LRRC74A: variants seen among roughly 807,000 people sequenced by gnomAD.
LRRC74A encodes the protein leucine-rich repeat-containing protein 74A.
Under a neutral mutation model 57.9 loss-of-function variants are expected in LRRC74A, and 44 were observed. That is an observed-to-expected ratio of 0.76 (90% CI 0.60 to 0.98). LRRC74A has a LOEUF of 0.98. Ranked by LOEUF, LRRC74A falls within the 50% of genes least tolerant of loss-of-function variation. The pLI is 0.00. For missense variants in LRRC74A, 572 were observed against 574.0 expected (o/e 1.00, Z 0.04); for synonymous variants, 211 against 219.4 (o/e 0.96, Z 0.34).
intron 7 of LRRC74A, among the ~76,000 whole-genome samples, chr14:76,845,318 TG>T: frequency 7.0e-6 from 1 of 143,090 alleles, no homozygotes; most frequent in East Asian, 2.1e-4. Context: ...AGAGAGGCCC[TG>T]TCTCAAAAGA....
intron 7 of LRRC74A, among the ~76,000 whole-genome samples, chr14:76,847,340 C>T (rs569265819): frequency 2.6e-5 from 4 of 152,228 alleles, no homozygotes; most frequent in African/African-American, 9.6e-5. Flanking sequence ...TGCATATACA[C>T]CACGGAATAC....
At chr14:76,863,236 T>C (rs562324210) in intron 11 of LRRC74A, among the ~76,000 whole-genome samples, 64 of 142,478 alleles carry the variant, frequency 4.5e-4, no homozygotes, top group Non-Finnish European at 1.4e-4. Flanking sequence ...AGGCCTGTGA[T>C]GATAAAAGAA....
chr14:76,850,308 T>C (rs1025398404), intron 7 of LRRC74A, among the ~76,000 whole-genome samples: 2 of 152,108 alleles, frequency 1.3e-5, no homozygotes, highest in Admixed American at 6.6e-5. Flanking sequence ...TGGGATCACA[T>C]GGGTAGTAAG....
At chr14:76,841,775 T>A (rs1896793927) in intron 5 of LRRC74A, among the ~76,000 whole-genome samples, 1 of 151,412 alleles carries the variant, frequency 6.6e-6, no homozygotes, top group Non-Finnish European at 1.5e-5. Flanking sequence ...TGCAATGGCA[T>A]GATCTTGGCT....
At chr14:76,844,236 C>A (rs911194905) in intron 5 of LRRC74A, among the ~76,000 whole-genome samples, 187 bp from the exon 6 acceptor site, 2 of 152,220 alleles carry the variant, frequency 1.3e-5, no homozygotes, top group African/African-American at 4.8e-5. Flanking sequence ...CTCCTGGGCT[C>A]AAGTCATCCT....
At position 76,828,123 on chromosome 14, in the gene LRRC74A, T is replaced by C. The variant is rs545013588; in HGVS notation, c.38-168T>C. 1.4e-4 allele frequency among the ~76,000 whole-genome samples: 22 copies of C among 152,202 alleles called. 1 individual carries two copies. Among genetic ancestry groups the C allele is most frequent in the Middle Eastern group, 6.8e-3 (2 of 294 alleles). ...GACCCTGCAGCCGGAGGCAGCGCTA[T>C]TGGGGAAGGGAGGTTTGTAGAGTGG... is the stretch of plus-strand genomic sequence containing the variant. On this transcript the variant is annotated intron_variant, in intron 1 of 13. Transcript: ENST00000689127.
At chr14:76,833,454 T>C (rs1896106935) in intron 3 of LRRC74A, among the ~76,000 whole-genome samples, 1 of 146,174 alleles carries the variant, frequency 6.8e-6, no homozygotes, top group South Asian at 2.3e-4. Flanking sequence ...TTTTTTTTTT[T>C]TTTTTGAGAC....
At chr14:76,840,229 T>C (rs182805706) in intron 5 of LRRC74A, among the ~76,000 whole-genome samples, 15 of 152,310 alleles carry the variant, frequency 9.8e-5, no homozygotes, top group African/African-American at 3.4e-4. Flanking sequence ...GGAAAATTGC[T>C]TGAGCCCAGG....
intron 3 of LRRC74A, among the ~76,000 whole-genome samples, chr14:76,832,462 T>G (rs1006860221): frequency 1.3e-5 from 2 of 152,190 alleles, no homozygotes; most frequent in African/African-American, 4.8e-5. Flanking sequence ...TATTCACTAT[T>G]GCACCCAACT....
chr14:76,853,905 A>C (rs1431595169), intron 9 of LRRC74A, among the ~76,000 whole-genome samples: 1 of 152,128 alleles, frequency 6.6e-6, no homozygotes, highest in Non-Finnish European at 1.5e-5. Context: ...GGCATGAGCC[A>C]CTGTGCCTAG....
chr14:76,859,662 C>CTTTTTTTTTTTT (rs1025552496), intron 10 of LRRC74A, among the ~76,000 whole-genome samples: 3 of 80,904 alleles, frequency 3.7e-5, no homozygotes, highest in African/African-American at 5.0e-5. Flanking sequence ...CTGAATTAGC[C>CTTTTTTTTTTTT]TTTTTTTTTT....
chr14:76,860,627 G>C, intron 10 of LRRC74A, 66 bp from the exon 11 acceptor site: 1 of 1,447,860 alleles, frequency 6.9e-7, no homozygotes, highest in Non-Finnish European at 9.4e-7. Flanking sequence ...GGGGTAGGGT[G>C]CACTGGTTGG....
chr14:76,845,356 A>C (rs1897052363), intron 7 of LRRC74A, among the ~76,000 whole-genome samples: 1 of 149,254 alleles, frequency 6.7e-6, no homozygotes, highest in African/African-American at 2.5e-5. Context: ...GGAAAAGAAG[A>C]AGGGGAAGGG....
At chr14:76,837,582 T>G (rs1345078535) in intron 4 of LRRC74A, among the ~76,000 whole-genome samples, 1 of 152,208 alleles carries the variant, frequency 6.6e-6, no homozygotes, top group African/African-American at 2.4e-5. Flanking sequence ...TATGCTTATC[T>G]GAAGCACCAA....
rs1325063190 is a variant in LRRC74A, at chr14:76,829,051, G to A, written c.166+632G>A. ...CTGGCTGAGCTGAAACAAAGACTCT[G>A]TTAATGCAAATAACACCTCCACCCT... On this transcript the variant is annotated intron_variant, in intron 2 of 13. Coordinates refer to ENST00000689127, the MANE Select transcript of LRRC74A (RefSeq NM_001385106.1). The A allele has an allele frequency of 6.2e-6, 8 of 1,289,282 alleles. No individual in the cohort carries two copies. In the African/African-American group the frequency reaches 1.1e-4, roughly 17 times the overall value. The allele number at this position is 1,289,282 out of a possible 1,614,324, so 79.9% of individuals were successfully genotyped here. A position where few individuals can be genotyped will look rare whatever the true frequency, so the allele number is the denominator to read the frequency against.
rs1895947091 is a variant in LRRC74A, at chr14:76,831,227, G to A, written c.191G>A (p.Gly64Glu). The A allele has an allele frequency of 6.2e-7, 1 of 1,613,994 alleles. No homozygotes were observed. The highest frequency in any genetic ancestry group is 8.5e-7 in the Non-Finnish European group (1 of 1,179,892). ...IEDDEKFFTT[G>E]QKELYLEACK... ...GATGATGAGAAATTTTTCACCACTG[G>A]ACAAAAGGAGCTGTACCTGGAGGCC... Residue 64 changes from glycine (G) to glutamate (E), a missense_variant, in exon 3 of 14, where the codon GGA becomes GAA. Physicochemically the swap from Gly to Glu is moderately conservative, Grantham distance 98 (BLOSUM62 -2). Transcript: ENST00000689127.
rs1203224953 is a variant in LRRC74A, at chr14:76,867,239, G to T, written c.1309-117G>T. The T allele has an allele frequency of 3.5e-5, 13 of 371,794 alleles. No individual in the cohort carries two copies. In the African/African-American group the frequency reaches 3.6e-4, roughly 10 times the overall value. 23.0% of individuals were successfully genotyped at this position (371,794 alleles called of 1,614,324 possible). A position where few individuals can be genotyped will look rare whatever the true frequency, so the allele number is the denominator to read the frequency against. ...GTGTGTGTGTGGTAGTGTGTGTGGG[G>T]GTGTGTGTTGGGGGGGTGGGGTGTG... On this transcript the variant is annotated intron_variant, in intron 12 of 13. Coordinates refer to ENST00000689127, the MANE Select transcript of LRRC74A (RefSeq NM_001385106.1).
rs544002431 is a variant in LRRC74A, at chr14:76,869,409, C to T, written c.1392-716C>T. 7.2e-4 allele frequency among the ~76,000 whole-genome samples: 109 copies of T among 152,314 alleles called. 3 individuals are homozygous for T. In the South Asian group the frequency reaches 0.022, roughly 30 times the overall value. ...AGCAGAGTTTTAATTTTTATTGTTG[C>T]ATGATCCTTTTCATTTTTGTTTTAT... On this transcript the variant is annotated intron_variant, in intron 13 of 13. Transcript: ENST00000689127.
intron 11 of LRRC74A, among the ~76,000 whole-genome samples, chr14:76,864,418 G>T (rs1349578837): frequency 8.0e-6 from 1 of 125,628 alleles, no homozygotes; most frequent in Non-Finnish European, 1.7e-5. Flanking sequence ...GAAGGGGGGG[G>T]GGGGGTGGCG....
Sources: gnomAD v4.1 joint callset for allele counts (sites outside exome capture counted in the v4.1 genomes callset) on GRCh38, gnomAD v4.1.1 for gene constraint, MANE v1.5 for transcripts, NCBI Gene and HGNC (gene_info 2026-07-23, HGNC 2026-07-21) for gene names.